Variants in PTGFR observed in about 807,000 individuals in gnomAD.
The protein encoded by PTGFR is prostaglandin F receptor.
A neutral mutation model predicts 26.2 loss-of-function variants in PTGFR; 15 were observed. The observed-to-expected ratio is 0.57, with a 90% CI of 0.38 to 0.88. PTGFR has a LOEUF of 0.88. Ranked by LOEUF, PTGFR falls within the 40% of genes least tolerant of loss-of-function variation. The pLI is 0.00. For missense variants in PTGFR, 369 were observed against 427.2 expected, an observed-to-expected ratio of 0.86 and a Z score of 1.20; for synonymous variants, 165 against 151.1, an observed-to-expected ratio of 1.09 and a Z score of -0.68.
rs1459154883 is a variant in PTGFR, at chr1:78,537,048, T to C, written c.*361T>C. 5.2e-6 allele frequency: 1 copy of C among 191,270 alleles called. No individual in the cohort carries two copies. Among genetic ancestry groups the C allele is most frequent in the Non-Finnish European group, 1.1e-5 (1 of 94,392 alleles). 11.8% of individuals were successfully genotyped at this position (191,270 alleles called of 1,614,324 possible). ...TCTTAATGCAGCCTGCATAGTGAAA[T>C]GGTTATTTTGAGATCACCGCTCTGT... is the stretch of plus-strand genomic sequence containing the variant. On this transcript the variant is annotated 3_prime_UTR_variant, in exon 3 of 3. Transcript: ENST00000370757.
chr1:78,498,060 T>A, intron 2 of PTGFR: 1 of 805,482 alleles, frequency 1.2e-6, no homozygotes, highest in Non-Finnish European at 1.9e-6. Flanking sequence ...GTTTGGTCAC[T>A]AAGGTGTTTG....
intron 2 of PTGFR, among the ~76,000 whole-genome samples, chr1:78,535,052 G>C (rs1014234247): frequency 5.3e-5 from 8 of 152,178 alleles, no homozygotes; most frequent in African/African-American, 1.9e-4. Context: ...TGCTTGGGCA[G>C]TGCCCTAGTG....
chr1:78,532,121 T>C (rs1261538797), intron 2 of PTGFR: 3 of 354,086 alleles, frequency 8.5e-6, no homozygotes, highest in Non-Finnish European at 1.6e-5. Context: ...AAATATTTTG[T>C]AACTAGAGAA....
At chr1:78,493,621 T>C in intron 2 of PTGFR, 80 bp downstream of exon 2, 4 of 1,356,546 alleles carry the variant, frequency 2.9e-6, no homozygotes, top group Non-Finnish European at 3.0e-6. Flanking sequence ...TTCAGTCTTT[T>C]AAATGCTGAG....
In PTGFR at chr1:78,538,324, G is replaced by T. The variant is rs1650707266; in HGVS notation, c.*1637G>T. 6.6e-6 allele frequency: 1 copy of T among 151,950 alleles called. No homozygotes were observed. Among genetic ancestry groups the T allele is most frequent in the African/African-American group, 2.4e-5 (1 of 41,406 alleles). The allele number at this position is 151,950 out of a possible 1,614,324, so 9.4% of individuals were successfully genotyped here. On this transcript the variant is annotated 3_prime_UTR_variant, in exon 3 of 3. Coordinates refer to ENST00000370757, the MANE Select transcript of PTGFR (RefSeq NM_000959.4). ...TCTCCTTGAGGCTTCTAAATAAATGGCAGAATTCTTGCTGTATTGCCATGA... is the reference window on the plus strand; with the variant it reads ...TCTCCTTGAGGCTTCTAAATAAATGTCAGAATTCTTGCTGTATTGCCATGA...
chr1:78,510,987 G>A (rs924855688), intron 2 of PTGFR, among the ~76,000 whole-genome samples: 13 of 152,266 alleles, frequency 8.5e-5, no homozygotes, highest in Admixed American at 2.0e-4. Flanking sequence ...CTCAGGGCAC[G>A]CCAGTGTAAG....
At chr1:78,518,201 T>G (rs1650137984) in intron 2 of PTGFR, among the ~76,000 whole-genome samples, 2 of 152,104 alleles carry the variant, frequency 1.3e-5, no homozygotes, top group South Asian at 4.1e-4. Flanking sequence ...TGTGGGAAAA[T>G]TATAAAGGAA....
intron 2 of PTGFR, chr1:78,532,325 G>A (rs1032389571): frequency 4.1e-5 from 7 of 172,190 alleles, no homozygotes; most frequent in Non-Finnish European, 8.3e-5. Flanking sequence ...GACACCTGAG[G>A]CTCCAGAACT....
intron 2 of PTGFR, among the ~76,000 whole-genome samples, chr1:78,535,710 G>A: frequency 6.6e-6 from 1 of 152,116 alleles, no homozygotes; most frequent in East Asian, 1.9e-4. Context: ...TCCATGAAAT[G>A]ATCTCTTCAA....
intron 2 of PTGFR, among the ~76,000 whole-genome samples, chr1:78,527,182 G>A (rs1262983141): frequency 6.6e-5 from 10 of 152,022 alleles, no homozygotes. Context: ...AAGAAAATCA[G>A]CTCAACCTAA....
intron 2 of PTGFR, among the ~76,000 whole-genome samples, chr1:78,498,612 G>A (rs1013052681): frequency 6.6e-6 from 1 of 152,132 alleles, no homozygotes; most frequent in Non-Finnish European, 1.5e-5. Context: ...TGTGTTCACT[G>A]CTTGGGTGAT....
chr1:78,532,583 G>C (rs1650547833), intron 2 of PTGFR, among the ~76,000 whole-genome samples: 1 of 148,820 alleles, frequency 6.7e-6, no homozygotes, highest in Non-Finnish European at 1.5e-5. Context: ...TTTGTTTTTT[G>C]AGACAGAGTC....
intron 2 of PTGFR, among the ~76,000 whole-genome samples, chr1:78,514,081 A>C (rs1650035792): frequency 2.0e-5 from 3 of 152,140 alleles, no homozygotes; most frequent in Admixed American, 2.0e-4. Flanking sequence ...TTGCAGAGGG[A>C]AAATTTTGGA....
At chr1:78,495,204 T>A (rs115642120) in intron 2 of PTGFR, among the ~76,000 whole-genome samples, 1 of 152,284 alleles carries the variant, frequency 6.6e-6, no homozygotes, top group African/African-American at 2.4e-5. Context: ...GACCTGATAA[T>A]TGTCAACTGA....
chr1:78,509,283 G>A lies in PTGFR; in HGVS notation c.798+15742G>A, dbSNP rs369603414. 1.1e-4 allele frequency among the ~76,000 whole-genome samples: 17 copies of A among 152,264 alleles called. 2 individuals carry two copies. Among genetic ancestry groups the A allele is most frequent in the African/African-American group, 3.6e-4 (15 of 41,560 alleles). ...GATGCTGACAATGGTGGTCATCAAC[G>A]CCTGTAATTGGCCTATCCCTCATCC... On this transcript the variant is annotated intron_variant, in intron 2 of 2. Transcript: ENST00000370757.
At position 78,518,680 on chromosome 1, in the gene PTGFR, A is replaced by ACACCC. The variant is rs1489678569; in HGVS notation, c.799-17724_799-17720dup. On this transcript the variant is annotated intron_variant, in intron 2 of 2. Transcript: ENST00000370757. ...GATAGACCATGATCTAGGAATTTAG[A>ACACCC]CACCCCTTATTTGGGGTTCAGTTAG... 2.6e-5 allele frequency among the ~76,000 whole-genome samples: 4 copies of ACACCC among 151,740 alleles called. No homozygotes were observed. The East Asian group carries it at 7.7e-4, about 29-fold the overall frequency.
chr1:78,506,676 A>G (rs1210118519), intron 2 of PTGFR, among the ~76,000 whole-genome samples: 1 of 152,130 alleles, frequency 6.6e-6, no homozygotes, highest in Admixed American at 6.5e-5. Context: ...GTATAGTCTA[A>G]TAAAATGTAA....
chr1:78,519,372 T>C (rs1650170529), intron 2 of PTGFR, among the ~76,000 whole-genome samples: 1 of 152,148 alleles, frequency 6.6e-6, no homozygotes, highest in Non-Finnish European at 1.5e-5. Flanking sequence ...TAATAGATAA[T>C]AACCTCTGTA....
At chr1:78,514,924 C>T (rs763499092) in intron 2 of PTGFR, among the ~76,000 whole-genome samples, 2 of 152,082 alleles carry the variant, frequency 1.3e-5, no homozygotes, top group Non-Finnish European at 2.9e-5. Context: ...AACCTGCTGC[C>T]GTGATTGTTA....
Sources: allele counts gnomAD v4.1 joint callset (sites outside exome capture counted in the v4.1 genomes callset), GRCh38; gene constraint gnomAD v4.1.1; transcripts MANE v1.5; gene names NCBI Gene and HGNC (gene_info 2026-07-23, HGNC 2026-07-21).